Variants in HHAT observed in about 807,000 individuals in gnomAD.
HHAT encodes hedgehog acyltransferase.
A neutral mutation model predicts 70.8 loss-of-function variants in HHAT; 47 were observed. The observed-to-expected ratio is 0.66, with a 90% CI of 0.53 to 0.85. HHAT has a LOEUF of 0.85. Among genes scored for constraint, HHAT ranks in the 40% least tolerant of loss-of-function variants. The pLI, the probability that HHAT is intolerant of heterozygous loss-of-function variation, is 0.00. For missense variants in HHAT, 609 were observed against 604.8 expected (o/e 1.01, Z -0.07); for synonymous variants, 228 against 247.6 (o/e 0.92, Z 0.74).
At chr1:210,567,088 T>C (rs1654946697) in intron 9 of HHAT, among the ~76,000 whole-genome samples, 1 of 152,198 alleles carries the variant, frequency 6.6e-6, no homozygotes. Context: ...GTTAGAGCAA[T>C]GGTGGCAACC....
At chr1:210,617,297 T>C (rs566509090) in intron 10 of HHAT, among the ~76,000 whole-genome samples, 3 of 152,352 alleles carry the variant, frequency 2.0e-5, no homozygotes, top group Admixed American at 6.5e-5. Flanking sequence ...GGGATCCAGT[T>C]TAAAATGCCT....
At chr1:210,449,329 A>G (rs1422931235) in intron 7 of HHAT, among the ~76,000 whole-genome samples, 1 of 150,968 alleles carries the variant, frequency 6.6e-6, no homozygotes, top group East Asian at 1.9e-4. Flanking sequence ...AAAATAAATC[A>G]TATAATTTTC....
chr1:210,548,685 G>A (rs1022953055), intron 9 of HHAT, among the ~76,000 whole-genome samples: 1 of 152,172 alleles, frequency 6.6e-6, no homozygotes, highest in Admixed American at 6.5e-5. Flanking sequence ...AGAAATTTAA[G>A]TTGGATCTCC....
At chr1:210,466,102 TGCAAGGAATC>T (rs552560470) in intron 8 of HHAT, among the ~76,000 whole-genome samples, 14,580 of 148,308 alleles carry the variant, frequency 0.098, 974 homozygotes, top group African/African-American at 0.14. Context: ...TGCAAGGAAT[TGCAAGGAATC>T]GCAAGGAATC....
chr1:210,674,306 T>C lies in HHAT; in HGVS notation c.1409T>C (p.Leu470Pro). The change falls in exon 12 of 12, where the codon CTC (leucine) becomes CCC (proline). Residue 470 changes from leucine (L) to proline (P), a missense_variant. By Grantham distance (98) the Leu-to-Pro change is moderately conservative. Coordinates refer to ENST00000261458, the MANE Select transcript of HHAT (RefSeq NM_018194.6). ...IFIQGWPWVT[L>P]SVLGFLYCYS... ...TCTGCAGGCTGGCCTTGGGTGACCC[T>C]CTCTGTCCTGGGATTCCTGTACTGC... is the stretch of plus-strand genomic sequence containing the variant. 1 of 1,614,144 alleles carries C rather than the reference T, an allele frequency of 6.2e-7. No individual in the cohort carries two copies. Among genetic ancestry groups the C allele is most frequent in the Non-Finnish European group, 8.5e-7 (1 of 1,179,984 alleles).
At chr1:210,618,527 C>T (rs1668210070) in intron 10 of HHAT, among the ~76,000 whole-genome samples, 1 of 152,184 alleles carries the variant, frequency 6.6e-6, no homozygotes, top group Admixed American at 6.5e-5. Flanking sequence ...GCATCAGGTC[C>T]CACTTGCCAA....
chr1:210,414,603 A>G (rs1200420946), intron 6 of HHAT, among the ~76,000 whole-genome samples: 1 of 152,190 alleles, frequency 6.6e-6, no homozygotes, highest in Non-Finnish European at 1.5e-5. Flanking sequence ...TTCTGATGCC[A>G]GGCATTTGGA....
chr1:210,564,807 G>A (rs970680887), intron 9 of HHAT, among the ~76,000 whole-genome samples: 2 of 150,298 alleles, frequency 1.3e-5, no homozygotes, highest in East Asian at 4.0e-4. Flanking sequence ...AAAGCTGATG[G>A]AATGGGGAGG....
chr1:210,457,740 A>C (rs560866873), intron 7 of HHAT, among the ~76,000 whole-genome samples: 1 of 152,266 alleles, frequency 6.6e-6, no homozygotes, highest in African/African-American at 2.4e-5. Context: ...GTTGTTCTCC[A>C]GGTCTGTGGG....
intron 9 of HHAT, among the ~76,000 whole-genome samples, chr1:210,571,633 A>G (rs1656293276): frequency 6.6e-6 from 1 of 152,056 alleles, no homozygotes; most frequent in Admixed American, 6.5e-5. Flanking sequence ...GAGCCGTGAA[A>G]CTTCTTTTCT....
At chr1:210,351,671 G>C (rs1449000461) in intron 2 of HHAT, among the ~76,000 whole-genome samples, 1 of 152,222 alleles carries the variant, frequency 6.6e-6, no homozygotes, top group African/African-American at 2.4e-5. Context: ...GCTCACTCAC[G>C]TGGCTGGCAG....
intron 7 of HHAT, among the ~76,000 whole-genome samples, chr1:210,445,236 C>G (rs543994193): frequency 6.6e-6 from 1 of 152,132 alleles, no homozygotes; most frequent in Non-Finnish European, 1.5e-5. Context: ...TCTCCCTAGC[C>G]CCCTCTGCCT....
chr1:210,482,477 T>C (rs1421662952), intron 8 of HHAT, among the ~76,000 whole-genome samples: 1 of 152,220 alleles, frequency 6.6e-6, no homozygotes, highest in Non-Finnish European at 1.5e-5. Flanking sequence ...AGTAATTAGA[T>C]AGAAGAATAC....
chr1:210,571,718 C>T (rs988835033), intron 9 of HHAT, among the ~76,000 whole-genome samples: 10 of 152,178 alleles, frequency 6.6e-5, no homozygotes, highest in African/African-American at 2.4e-4. Context: ...CTTTCCCCAA[C>T]CCTTGGGAAG....
chr1:210,507,312 C>T (rs963291676), intron 8 of HHAT, among the ~76,000 whole-genome samples: 1 of 149,902 alleles, frequency 6.7e-6, no homozygotes, highest in Non-Finnish European at 1.5e-5. Context: ...CCTTAAGGTG[C>T]TTTTTCCATC....
At chr1:210,347,994 T>C (rs1288164902) in intron 1 of HHAT, among the ~76,000 whole-genome samples, 1 of 152,196 alleles carries the variant, frequency 6.6e-6, no homozygotes, top group East Asian at 1.9e-4. Context: ...GAAGAGAGAC[T>C]GAATTCTGAA....
At chr1:210,378,122 A>T (rs2090367064) in intron 3 of HHAT, among the ~76,000 whole-genome samples, 2 of 152,240 alleles carry the variant, frequency 1.3e-5, no homozygotes, top group Admixed American at 1.3e-4. Flanking sequence ...GCCTGAGTTC[A>T]TTCGGAGAGC....
rs144981901 is a variant in HHAT at position 210,398,805 on chromosome 1, T to C, written c.274-1663T>C. On this transcript the variant is annotated intron_variant, in intron 4 of 11. Coordinates refer to ENST00000261458, the MANE Select transcript of HHAT (RefSeq NM_018194.6). Reference sequence around the variant, plus strand: ...GTCTTTGGCCATGTATTCCTTATAATTGGACTCTGCCCAGAGGTGAGGGTT... The same window carrying C: ...GTCTTTGGCCATGTATTCCTTATAACTGGACTCTGCCCAGAGGTGAGGGTT... Among the ~76,000 whole-genome samples, 498 of 152,322 alleles carry C rather than the reference T, an allele frequency of 3.3e-3. 3 individuals are homozygous for C. The highest frequency in any genetic ancestry group is 0.011 in the African/African-American group (466 of 41,562).
chr1:210,578,873 C>T (rs1340822253), intron 9 of HHAT, among the ~76,000 whole-genome samples: 2 of 152,150 alleles, frequency 1.3e-5, no homozygotes, highest in Non-Finnish European at 1.5e-5. Flanking sequence ...TTTACTGTAG[C>T]ACTATTCACA....
Sources: gnomAD v4.1 joint callset for allele counts (sites outside exome capture counted in the v4.1 genomes callset) on GRCh38, gnomAD v4.1.1 for gene constraint, MANE v1.5 for transcripts, NCBI Gene and HGNC (gene_info 2026-07-23, HGNC 2026-07-21) for gene names.